Variants in UGT1A10 observed in about 807,000 individuals in gnomAD.
UGT1A10 encodes UDP-glucuronosyltransferase 1A10.
In UGT1A10, 49 loss-of-function variants were observed where a neutral mutation model predicts 45.8. The observed-to-expected ratio is 1.07, with a 90% CI of 0.85 to 1.36. The LOEUF (loss-of-function observed/expected upper bound fraction) is 1.36. Among genes scored for constraint, UGT1A10 ranks in the 40% most tolerant of loss-of-function variants. The pLI is 0.00. For synonymous variants in UGT1A10, 284 were observed against 249.7 expected, an observed-to-expected ratio of 1.14 and a Z score of -1.29; for missense variants, 745 against 668.6, an observed-to-expected ratio of 1.11 and a Z score of -1.26.
intron 1 of UGT1A10, among the ~76,000 whole-genome samples, chr2:233,651,121 A>T (rs879587248): frequency 3.3e-5 from 5 of 152,234 alleles, no homozygotes; most frequent in Non-Finnish European, 7.3e-5. Context: ...AGAACAGGCG[A>T]GGAGATGCAA....
At chr2:233,733,583 G>C (rs2078417703) in intron 1 of UGT1A10, among the ~76,000 whole-genome samples, 2 of 152,122 alleles carry the variant, frequency 1.3e-5, no homozygotes, top group Admixed American at 1.3e-4. Context: ...TTTGTCATTG[G>C]TTCTGTTTAT....
intron 1 of UGT1A10, chr2:233,693,388 C>A: frequency 2.5e-6 from 4 of 1,614,150 alleles, no homozygotes; most frequent in South Asian, 1.1e-5. Context: ...ACTGCCAGAG[C>A]CTCCTGCAGG....
At chr2:233,747,688 C>T in intron 1 of UGT1A10, 2 of 1,609,342 alleles carry the variant, frequency 1.2e-6, no homozygotes, top group South Asian at 2.2e-5. Context: ...CTCTGTGGGG[C>T]AGTGCTGGCT....
At chr2:233,641,257 A>T (rs1361994945) in intron 1 of UGT1A10, among the ~76,000 whole-genome samples, 1 of 152,144 alleles carries the variant, frequency 6.6e-6, no homozygotes, top group East Asian at 1.9e-4. Flanking sequence ...CCCATGCCAC[A>T]CCAGTCTCAG....
At chr2:233,699,564 G>T (rs757695446) in intron 1 of UGT1A10, among the ~76,000 whole-genome samples, 1 of 152,214 alleles carries the variant, frequency 6.6e-6, no homozygotes, top group Admixed American at 6.5e-5. Context: ...CATGGCCAGA[G>T]CTCTGGCTCT....
chr2:233,680,884 G>A (rs896022242), intron 1 of UGT1A10, among the ~76,000 whole-genome samples: 1 of 151,970 alleles, frequency 6.6e-6, no homozygotes, highest in Non-Finnish European at 1.5e-5. Flanking sequence ...GCATAGGGAC[G>A]GCGACTCACC....
intron 1 of UGT1A10, among the ~76,000 whole-genome samples, chr2:233,696,390 C>T (rs529082756): frequency 2.6e-5 from 4 of 152,010 alleles, no homozygotes; most frequent in African/African-American, 7.2e-5. Context: ...ATTCTTTGTA[C>T]GTTTTGTAAA....
rs1178018823 is a variant in UGT1A10, at chr2:233,724,688, G to A, written c.856-42346G>A. 1.4e-5 allele frequency among the ~76,000 whole-genome samples: 2 copies of A among 144,826 alleles called. 1 individual carries two copies. Among genetic ancestry groups the A allele is most frequent in the Non-Finnish European group, 3.0e-5 (2 of 66,424 alleles). On this transcript the variant is annotated intron_variant, in intron 1 of 4. Transcript: ENST00000344644. ...TCACTTCCTAGATGGGATGGCGGCC[G>A]GGTGAAGACGCTCCTCGCTTTCCAG...
chr2:233,644,840 C>CT (rs2073556845), intron 1 of UGT1A10, among the ~76,000 whole-genome samples: 1 of 152,050 alleles, frequency 6.6e-6, no homozygotes, highest in Non-Finnish European at 1.5e-5. Flanking sequence ...TGAGTGCTCA[C>CT]CTGAGTTTTG....
At chr2:233,649,986 T>C (rs1291927112) in intron 1 of UGT1A10, among the ~76,000 whole-genome samples, 2 of 152,194 alleles carry the variant, frequency 1.3e-5, no homozygotes, top group Non-Finnish European at 2.9e-5. Flanking sequence ...TTTGTTTGTT[T>C]TGAGACAGAG....
intron 1 of UGT1A10, chr2:233,729,977 GGAA>G: frequency 1.2e-6 from 2 of 1,614,018 alleles, no homozygotes; most frequent in African/African-American, 2.7e-5. Flanking sequence ...TGTGCCAACA[GGAA>G]GCCACTATCT....
chr2:233,703,111 T>C (rs2075722955), intron 1 of UGT1A10, among the ~76,000 whole-genome samples: 1 of 152,236 alleles, frequency 6.6e-6, no homozygotes, highest in Admixed American at 6.5e-5. Flanking sequence ...AAATTACTAA[T>C]TTAATCTTTT....
chr2:233,730,328 C>T (rs1363766839), intron 1 of UGT1A10, among the ~76,000 whole-genome samples: 2 of 152,106 alleles, frequency 1.3e-5, no homozygotes, highest in African/African-American at 2.4e-5. Context: ...AGGGACACTA[C>T]GTTTGGAACT....
intron 1 of UGT1A10, among the ~76,000 whole-genome samples, chr2:233,720,641 G>C (rs1280167515): frequency 6.6e-6 from 1 of 151,852 alleles, no homozygotes; most frequent in Non-Finnish European, 1.5e-5. Context: ...AGTACTCTGG[G>C]ATGTGAAAAA....
chr2:233,759,779 G>A (rs1697251285), intron 1 of UGT1A10, among the ~76,000 whole-genome samples: 1 of 152,188 alleles, frequency 6.6e-6, no homozygotes, highest in South Asian at 2.1e-4. Flanking sequence ...GTTGGACGAA[G>A]GAATGAAACA....
intron 1 of UGT1A10, chr2:233,754,988 A>T (rs756949361): frequency 6.6e-5 from 86 of 1,295,924 alleles, no homozygotes; most frequent in Non-Finnish European, 8.9e-5. Context: ...CGGCGGGGTC[A>T]CGGAAGCTGA....
intron 1 of UGT1A10, among the ~76,000 whole-genome samples, chr2:233,726,490 A>G (rs1018166677): frequency 6.6e-6 from 1 of 151,932 alleles, no homozygotes; most frequent in Non-Finnish European, 1.5e-5. Flanking sequence ...CTTTTTCCTT[A>G]TTAATTTTGG....
At chr2:233,688,922 G>A (rs1298474821) in intron 1 of UGT1A10, among the ~76,000 whole-genome samples, 1 of 152,188 alleles carries the variant, frequency 6.6e-6, no homozygotes, top group African/African-American at 2.4e-5. Flanking sequence ...GCCAAGCAGG[G>A]AAGATGGCAG....
At position 233,769,418 on chromosome 2, in the gene UGT1A10, C is replaced by T; in HGVS notation, c.1295+979C>T. The T allele has an allele frequency of 1.4e-6, 2 of 1,431,096 alleles. No individual in the cohort carries two copies. The highest frequency in any genetic ancestry group is 1.9e-6 in the Non-Finnish European group (2 of 1,028,754). The allele number at this position is 1,431,096 out of a possible 1,614,324, so 88.6% of individuals were successfully genotyped here. ...GTGCATATGTGCGTGTGCGTTTGTG[C>T]ATGTGGCTGTGCTCATGTGTGGGTG... On this transcript the variant is annotated intron_variant, in intron 4 of 4. Transcript: ENST00000344644. The surrounding 1 kb of genome is among the most constrained non-coding windows in gnomAD (Gnocchi z 4.4).
Sources: gnomAD v4.1 joint callset for allele counts (sites outside exome capture counted in the v4.1 genomes callset) on GRCh38, gnomAD v4.1.1 for gene constraint, Gnocchi (gnomAD v3.1) non-coding constraint, MANE v1.5 for transcripts, NCBI Gene and HGNC (gene_info 2026-07-23, HGNC 2026-07-21) for gene names.